The following TBC1D14 variants were observed in gnomAD, a reference collection of about 807,000 sequenced individuals.
The protein encoded by TBC1D14 is TBC1 domain family member 14.
TBC1D14 carries 26 observed loss-of-function variants against 79.0 expected under a neutral mutation model. The ratio of observed to expected loss-of-function variants is 0.33; its 90% CI spans 0.24 to 0.46. The LOEUF is 0.46. TBC1D14 is among the 20% of genes least tolerant of loss of function. The pLI, the probability that TBC1D14 is intolerant of heterozygous loss-of-function variation, is 1.00. For synonymous variants in TBC1D14, 394 were observed against 349.9 expected, an observed-to-expected ratio of 1.13 and a Z score of -1.40; for missense variants, 769 against 887.6, an observed-to-expected ratio of 0.87 and a Z score of 1.70.
At chr4:7,013,516 T>A (rs144646054) in intron 11 of TBC1D14, among the ~76,000 whole-genome samples, 1 of 152,300 alleles carries the variant, frequency 6.6e-6, no homozygotes, top group East Asian at 1.9e-4. Flanking sequence ...CTTCCCAGCT[T>A]TGTACATTTT....
intron 3 of TBC1D14, among the ~76,000 whole-genome samples, chr4:6,988,885 C>CTTTTTTTTTTTTTTTTTTTTTTTTTTT (rs34268749): frequency 6.5e-5 from 5 of 76,808 alleles, no homozygotes; most frequent in Non-Finnish European, 6.9e-5. Flanking sequence ...TTCTTTCTTT[C>CTTTTTTTTTTTTTTTTTTTTTTTTTTT]TTTTTTTTTT....
intron 2 of TBC1D14, among the ~76,000 whole-genome samples, chr4:6,925,928 G>A (rs1309935430): frequency 6.6e-6 from 1 of 152,178 alleles, no homozygotes; most frequent in African/African-American, 2.4e-5. Flanking sequence ...CTGAGGATGG[G>A]TTTTCAGAAA....
At chr4:7,002,670 T>G (rs1719789145) in intron 7 of TBC1D14, among the ~76,000 whole-genome samples, 1 of 152,130 alleles carries the variant, frequency 6.6e-6, no homozygotes, top group Non-Finnish European at 1.5e-5. Flanking sequence ...CTCTCTACCT[T>G]TTCACCCTTA....
intron 3 of TBC1D14, among the ~76,000 whole-genome samples, chr4:6,993,771 A>G (rs941079850): frequency 1.3e-5 from 2 of 152,290 alleles, no homozygotes; most frequent in Middle Eastern, 3.4e-3. Context: ...GCACTTTGGG[A>G]GGCTGAAGCG....
intron 2 of TBC1D14, among the ~76,000 whole-genome samples, chr4:6,937,888 C>T (rs999063665): frequency 1.3e-5 from 2 of 152,044 alleles, no homozygotes; most frequent in Non-Finnish European, 1.5e-5. Context: ...GTCACACAGC[C>T]GGCTGGGAGT....
intron 2 of TBC1D14, among the ~76,000 whole-genome samples, chr4:6,930,846 C>A (rs1577474945): frequency 6.6e-6 from 1 of 151,230 alleles, no homozygotes; most frequent in East Asian, 1.9e-4. Flanking sequence ...CGGAAACTGG[C>A]CTTTGTTTAA....
At chr4:6,982,151 C>T (rs968736162) in intron 3 of TBC1D14, among the ~76,000 whole-genome samples, 9 of 152,168 alleles carry the variant, frequency 5.9e-5, no homozygotes, top group African/African-American at 2.2e-4. Context: ...GAAATGAAAA[C>T]TTATGTTTGC....
chr4:6,957,382 C>T (rs1452347368), intron 2 of TBC1D14, among the ~76,000 whole-genome samples: 1 of 152,228 alleles, frequency 6.6e-6, no homozygotes, highest in Non-Finnish European at 1.5e-5. Flanking sequence ...AGTCAACATA[C>T]ATTTGAACAA....
At chr4:6,955,874 C>T (rs961218093) in intron 2 of TBC1D14, among the ~76,000 whole-genome samples, 3 of 152,266 alleles carry the variant, frequency 2.0e-5, no homozygotes, top group South Asian at 2.1e-4. Context: ...CACGTAAGTC[C>T]GAGTCGCAGC....
chr4:6,930,734 G>C (rs528271739), intron 2 of TBC1D14, among the ~76,000 whole-genome samples: 2 of 151,544 alleles, frequency 1.3e-5, no homozygotes, highest in East Asian at 3.9e-4. Context: ...AGAGGTAGAG[G>C]TTGCAGTGAA....
At chr4:6,986,813 TTC>T (rs1478082941) in intron 3 of TBC1D14, among the ~76,000 whole-genome samples, 1 of 152,204 alleles carries the variant, frequency 6.6e-6, no homozygotes, top group African/African-American at 2.4e-5. Flanking sequence ...CCTGTTCGGC[TTC>T]TCTGAGTGTT....
At chr4:6,953,474 A>AACG (rs1714298171) in intron 2 of TBC1D14, among the ~76,000 whole-genome samples, 1 of 140,658 alleles carries the variant, frequency 7.1e-6, no homozygotes, top group Non-Finnish European at 1.6e-5. Context: ...AAAAAAAAAT[A>AACG]CAAAAAATTA....
intron 1 of TBC1D14, among the ~76,000 whole-genome samples, chr4:6,918,676 C>G (rs1270971209): frequency 6.6e-6 from 1 of 152,186 alleles, no homozygotes; most frequent in Non-Finnish European, 1.5e-5. Flanking sequence ...GCGAGAGGCC[C>G]TCAGCTCTGT....
At chr4:6,947,491 C>G (rs1221791657) in intron 2 of TBC1D14, among the ~76,000 whole-genome samples, 3 of 98,170 alleles carry the variant, frequency 3.1e-5, no homozygotes, top group Admixed American at 2.5e-4. Flanking sequence ...GAGCAAGACC[C>G]TGTCTCAAAA....
chr4:6,967,256 T>G (rs1474672360), intron 2 of TBC1D14, 48 bp from the exon 3 acceptor site: 1 of 1,601,804 alleles, frequency 6.2e-7, no homozygotes, highest in African/African-American at 1.4e-5. Context: ...TTCTGGTGTT[T>G]CTTGAATTAC....
At chr4:7,006,801 T>G in intron 9 of TBC1D14, 75 bp downstream of exon 9, 2 of 1,435,124 alleles carry the variant, frequency 1.4e-6, no homozygotes, top group Admixed American at 1.9e-5. Flanking sequence ...GTATATTTGT[T>G]GTCAAGTTTG....
intron 3 of TBC1D14, among the ~76,000 whole-genome samples, chr4:6,986,255 C>T (rs1291185519): frequency 6.6e-6 from 1 of 152,208 alleles, no homozygotes; most frequent in Non-Finnish European, 1.5e-5. Flanking sequence ...GCTCATGCAT[C>T]CGCGGTTGGT....
chr4:6,938,714 C>A (rs1367198088), intron 2 of TBC1D14, among the ~76,000 whole-genome samples: 1 of 152,216 alleles, frequency 6.6e-6, no homozygotes, highest in Non-Finnish European at 1.5e-5. Context: ...GAGGACCAGC[C>A]TTGCCTCGCG....
At chr4:6,988,065 G>A (rs1371107503) in intron 3 of TBC1D14, among the ~76,000 whole-genome samples, 1 of 152,182 alleles carries the variant, frequency 6.6e-6, no homozygotes, top group Admixed American at 6.5e-5. Context: ...GGGTTAGCCG[G>A]GGCTGCCTTT....
Sources: allele counts gnomAD v4.1 joint callset (sites outside exome capture counted in the v4.1 genomes callset), GRCh38; gene constraint gnomAD v4.1.1; transcripts MANE v1.5; gene names NCBI Gene and HGNC (gene_info 2026-07-23, HGNC 2026-07-21).